VWA5A: variants seen among roughly 807,000 people sequenced by gnomAD.
VWA5A encodes the protein von Willebrand factor A domain-containing protein 5A.
A neutral mutation model predicts 84.6 loss-of-function variants in VWA5A; 77 were observed. The observed-to-expected ratio is 0.91, with a 90% CI of 0.76 to 1.10. The LOEUF (loss-of-function observed/expected upper bound fraction) is 1.10. VWA5A is among the 50% of genes least tolerant of loss of function. The pLI is 0.00. For synonymous variants in VWA5A, 334 were observed against 350.1 expected, an observed-to-expected ratio of 0.95 and a Z score of 0.51; for missense variants, 973 against 963.0, an observed-to-expected ratio of 1.01 and a Z score of -0.14.
At position 124,125,440 on chromosome 11, in the gene VWA5A, G is replaced by A. The variant is rs577308339; in HGVS notation, c.1244+1124G>A. 1.9e-3 allele frequency among the ~76,000 whole-genome samples: 291 copies of A among 152,084 alleles called. 6 individuals are homozygous for A. The highest frequency in any genetic ancestry group is 1.2e-3 in the East Asian group (6 of 5,176). On this transcript the variant is annotated intron_variant, in intron 11 of 18. Coordinates refer to ENST00000456829, the MANE Select transcript of VWA5A (RefSeq NM_001130142.2). ...TGGGACTGCAGGTGCCCACCACCGC[G>A]CCCAGCTAATTTTTTTGTATGTTTA...
At position 124,136,646 on chromosome 11, in the gene VWA5A, T is replaced by C; in HGVS notation, c.1597T>C (p.Phe533Leu). 1 of 1,613,924 alleles carries C rather than the reference T, an allele frequency of 6.2e-7. No homozygotes were observed. Among genetic ancestry groups the C allele is most frequent in the Non-Finnish European group, 8.5e-7 (1 of 1,179,966 alleles). ...CAAGACTTTTGAGGATAAGGTGACA[T>C]TTCCTCTACAACCCAAGCCTGATGT... is the stretch of plus-strand genomic sequence containing the variant. ...QGKTFEDKVT[F>L]PLQPKPDVNL... The change falls in exon 14 of 19, where the codon TTT (phenylalanine) becomes CTT (leucine). Residue 533 changes from phenylalanine to leucine, a missense_variant. By Grantham distance (22) the Phe-to-Leu change is conservative (BLOSUM62 0). Transcript: ENST00000456829.
intron 7 of VWA5A, among the ~76,000 whole-genome samples, chr11:124,120,266 G>A (rs545778177): frequency 1.6e-4 from 24 of 152,068 alleles, no homozygotes; most frequent in Middle Eastern, 3.4e-3. Flanking sequence ...AATTTAAATT[G>A]GTGTAACCCA....
At chr11:124,137,650 G>A (rs981878818) in intron 15 of VWA5A, among the ~76,000 whole-genome samples, 5 of 152,144 alleles carry the variant, frequency 3.3e-5, no homozygotes, top group Non-Finnish European at 7.3e-5. Context: ...ACAGAGTTGT[G>A]CAACCATTGA....
chr11:124,143,830 C>A (rs1276346247), intron 17 of VWA5A, among the ~76,000 whole-genome samples: 1 of 152,060 alleles, frequency 6.6e-6, no homozygotes, highest in African/African-American at 2.4e-5. Context: ...TTCAGACTGA[C>A]ATTTCCTTCT....
In VWA5A at chr11:124,123,080, G is replaced by C; in HGVS notation, c.881G>C (p.Ser294Thr). 1 of 1,614,082 alleles carries C rather than the reference G, an allele frequency of 6.2e-7. No individual in the cohort carries two copies. The highest frequency in any genetic ancestry group is 1.1e-5 in the South Asian group (1 of 91,064). Reference protein sequence around the residue: ...FLMDRSGSMQSPMSSQDTSQL... With the variant: ...FLMDRSGSMQTPMSSQDTSQL... ...ATGGACCGCTCGGGAAGTATGCAGAGCCCCATGAGTAGCCAGGATACATCT... is the reference window on the plus strand; with the variant it reads ...ATGGACCGCTCGGGAAGTATGCAGACCCCCATGAGTAGCCAGGATACATCT... Residue 294 changes from serine (S) to threonine (T), a missense_variant, in exon 8 of 19, where the codon AGC (serine) becomes ACC (threonine). Ser to Thr is a moderately conservative substitution (Grantham distance 58). Transcript: ENST00000456829.
chr11:124,145,273 G>A lies in VWA5A; in HGVS notation c.2191G>A (p.Val731Met), dbSNP rs780595057. The A allele has an allele frequency of 1.1e-5, 18 of 1,613,586 alleles. No individual in the cohort carries two copies. The highest frequency in any genetic ancestry group is 1.6e-4 in the Middle Eastern group (1 of 6,076). Residue 731 changes from valine to methionine, a missense_variant, in exon 18 of 19, where the codon GTG (valine) becomes ATG (methionine). Physicochemically the swap from Val to Met is conservative, Grantham distance 21. Transcript: ENST00000456829. ...DSSGWATILA[V>M]IWLHSNGKDL... is the part of the protein sequence containing the mutation. ...CTCAGGCTGGGCCACCATCCTGGCCGTGATCTGGCTGCACAGCAATGGTAA... is the reference window on the plus strand; with the variant it reads ...CTCAGGCTGGGCCACCATCCTGGCCATGATCTGGCTGCACAGCAATGGTAA...
At chr11:124,132,608 C>G (rs1865113310) in intron 11 of VWA5A, among the ~76,000 whole-genome samples, 1 of 151,932 alleles carries the variant, frequency 6.6e-6, no homozygotes, top group African/African-American at 2.4e-5. Context: ...CCTCTTCTTT[C>G]CTAATGTTGG....
intron 11 of VWA5A, among the ~76,000 whole-genome samples, chr11:124,127,092 C>T (rs1310847702): frequency 6.6e-6 from 1 of 152,132 alleles, no homozygotes; most frequent in African/African-American, 2.4e-5. Context: ...CATAGGTATA[C>T]ATGTGCCATG....
intron 10 of VWA5A, among the ~76,000 whole-genome samples, 167 bp downstream of exon 10, chr11:124,123,971 C>T (rs1267596845): frequency 6.6e-6 from 1 of 152,120 alleles, no homozygotes; most frequent in African/African-American, 2.4e-5. Context: ...TCTTCCTTAA[C>T]TCCATGCGAT....
intron 18 of VWA5A, among the ~76,000 whole-genome samples, 192 bp from the exon 19 acceptor site, chr11:124,145,674 G>C (rs1418083381): frequency 6.6e-6 from 1 of 152,176 alleles, no homozygotes; most frequent in Non-Finnish European, 1.5e-5. Context: ...TCTCCTGGCT[G>C]TTTGTTATCT....
intron 14 of VWA5A, 63 bp downstream of exon 14, chr11:124,136,737 C>G (rs141755563): frequency 1.8e-6 from 2 of 1,107,624 alleles, no homozygotes; most frequent in Non-Finnish European, 2.6e-6. Flanking sequence ...TCCTTCCTTC[C>G]TTCCTTCCTT....
chr11:124,141,863 C>G (rs1370457216), intron 16 of VWA5A, 122 bp downstream of exon 16: 2 of 1,334,590 alleles, frequency 1.5e-6, no homozygotes, highest in Admixed American at 4.6e-5. Context: ...GAAGGGACCC[C>G]CCATGCATTG....
At chr11:124,120,594 C>A (rs1864915767) in intron 7 of VWA5A, among the ~76,000 whole-genome samples, 2 of 152,198 alleles carry the variant, frequency 1.3e-5, no homozygotes, top group South Asian at 4.1e-4. Context: ...ACTTGTTCAA[C>A]CACTCTTCCT....
Position 124,141,613 on chromosome 11 carries a change from T to C in VWA5A, c.1895T>C (p.Leu632Ser). The change falls in exon 16 of 19, where the codon TTA (leucine) becomes TCA (serine). Residue 632 changes from leucine (L) to serine (S), a missense_variant. Transcript: ENST00000456829. ...ATTTTTTCAGGTTTTCGAAAGGCCT[T>C]ACACTCTGACCGTCCTCCTTCTGCA... ...IKCQSGFRKA[L>S]HSDRPPSASQ... is the part of the protein sequence containing the mutation. 6.2e-7 allele frequency: 1 copy of C among 1,614,134 alleles called. No individual in the cohort carries two copies.
Position 124,118,565 on chromosome 11 carries a change from A to G in VWA5A, c.502A>G (p.Thr168Ala), listed in dbSNP as rs1864877472. ...TAAGGACAGTTGCCTTAATGTGAAG[A>G]CTCCTATAGTCCCTGTGGAGGACCT... ...SSKDSCLNVK[T>A]PIVPVEDLPY... The change falls in exon 6 of 19, where the codon ACT (threonine) becomes GCT (alanine). Residue 168 changes from threonine (T) to alanine (A), a missense_variant. Transcript: ENST00000456829. The G allele has an allele frequency of 1.2e-6, 2 of 1,613,800 alleles. No homozygotes were observed. Among genetic ancestry groups the G allele is most frequent in the East Asian group, 2.2e-5 (1 of 44,856 alleles).
At position 124,142,408 on chromosome 11, in the gene VWA5A, A is replaced by G. The variant is rs771287875; in HGVS notation, c.2024-34A>G. ...GTGCTGAGGTGCCGATAGCTCCACA[A>G]TTTCTCATTCTTCTCTTTTCTTTCT... On this transcript the variant is annotated intron_variant, in intron 16 of 18. Coordinates refer to ENST00000456829, the MANE Select transcript of VWA5A (RefSeq NM_001130142.2). The G allele has an allele frequency of 2.5e-6, 4 of 1,611,208 alleles. No homozygotes were observed. The African/African-American group carries it at 4.0e-5, about 16-fold the overall frequency.
rs1285504415 is a variant in VWA5A, at chr11:124,147,526, T to C, written c.*1581T>C. 1 of 152,188 alleles carries C rather than the reference T, an allele frequency of 6.6e-6. No individual in the cohort carries two copies. Among genetic ancestry groups the C allele is most frequent in the Non-Finnish European group, 1.5e-5 (1 of 68,048 alleles). 9.4% of individuals were successfully genotyped at this position (152,188 alleles called of 1,614,324 possible). On this transcript the variant is annotated 3_prime_UTR_variant, in exon 19 of 19. Coordinates refer to ENST00000456829, the MANE Select transcript of VWA5A (RefSeq NM_001130142.2). ...TGGACTCTAATCTCTCAGTCTTTCT[T>C]CCAAGTTTGTTTATGCTGAATGTGA...
intron 15 of VWA5A, among the ~76,000 whole-genome samples, chr11:124,141,115 A>G (rs10502275): frequency 0.1 from 15,815 of 152,262 alleles, 859 homozygotes; most frequent in African/African-American, 0.14. Flanking sequence ...AGATACTTTA[A>G]TGAATGATCG....
At chr11:124,132,706 G>T (rs1410302462) in intron 11 of VWA5A, among the ~76,000 whole-genome samples, 1 of 151,784 alleles carries the variant, frequency 6.6e-6, no homozygotes, top group Non-Finnish European at 1.5e-5. Context: ...AGCACCTTTG[G>T]GTTTGTTGGT....
Sources: allele counts gnomAD v4.1 joint callset (sites outside exome capture counted in the v4.1 genomes callset), GRCh38; gene constraint gnomAD v4.1.1; transcripts MANE v1.5; gene names NCBI Gene and HGNC (gene_info 2026-07-23, HGNC 2026-07-21).